SPACA6: variants seen among roughly 807,000 people sequenced by gnomAD.
SPACA6 encodes the protein sperm acrosome membrane-associated protein 6.
For missense variants in SPACA6, 8 were observed against 2.8 expected (o/e 2.88, Z -1.34); for synonymous variants, 6 against 1.5 (o/e 4.05, Z -2.21).
chr19:51,691,692 C>T (rs1600131654), upstream of SPACA6, among the ~76,000 whole-genome samples: 1 of 151,922 alleles, frequency 6.6e-6, no homozygotes, highest in African/African-American at 2.4e-5. Flanking sequence ...GAGACCTGGA[C>T]TGCGAGAAAG....
chr19:51,701,385 ACTTC>A, intron 2 of SPACA6, among the ~76,000 whole-genome samples: 1 of 152,144 alleles, frequency 6.6e-6, no homozygotes, highest in Admixed American at 6.5e-5. Context: ...GTCCAGGAGG[ACTTC>A]CATCCTGGAG....
At position 51,704,306 on chromosome 19, in the gene SPACA6, A is replaced by G. The variant is rs984061127; in HGVS notation, c.767A>G (p.Gln256Arg). ...GPPPRAETELQASFREVLRWA... is the reference protein window; with the variant it reads ...GPPPRAETELRASFREVLRWA... Reference sequence around the variant, plus strand: ...CCCCCGCGGGCGGAGACAGAGTTGCAGGCCTCGTTCCGGGAAGTGCTGCGC... The same window carrying G: ...CCCCCGCGGGCGGAGACAGAGTTGCGGGCCTCGTTCCGGGAAGTGCTGCGC... The change falls in exon 8 of 9, where the codon CAG becomes CGG. Residue 256 changes from glutamine to arginine, a missense_variant. Gln to Arg is a conservative substitution (Grantham distance 43). Coordinates refer to ENST00000637797, the MANE Select transcript of SPACA6 (RefSeq NM_001316972.2). 9 of 400,752 alleles carry G rather than the reference A, an allele frequency of 2.2e-5. No individual in the cohort carries two copies. Among genetic ancestry groups the G allele is most frequent in the East Asian group, 2.1e-4 (6 of 28,026 alleles). 24.8% of individuals were successfully genotyped at this position (400,752 alleles called of 1,614,324 possible).
At chr19:51,707,357 A>C (rs1298404199), downstream of SPACA6, among the ~76,000 whole-genome samples, 4 of 151,238 alleles carry the variant, frequency 2.6e-5, no homozygotes, top group East Asian at 7.8e-4. Flanking sequence ...AGTAGCTGGG[A>C]CTACAAAGGC....
upstream of SPACA6, among the ~76,000 whole-genome samples, chr19:51,692,387 G>T (rs1032628934): frequency 5.9e-5 from 9 of 151,962 alleles, no homozygotes; most frequent in African/African-American, 1.9e-4. The surrounding 1 kb of genome is among the most constrained non-coding windows in gnomAD (Gnocchi z 5.6). Context: ...TGAGTCTGAG[G>T]GAGGAAGGGG....
At chr19:51,683,373 CAAAG>C in the SPACA6 span, among the ~76,000 whole-genome samples, 1 of 152,134 alleles carries the variant, frequency 6.6e-6, no homozygotes, top group South Asian at 2.1e-4. Flanking sequence ...TAAAGGCTCT[CAAAG>C]AAGGTCACAT....
At position 51,693,445 on chromosome 19, in the gene SPACA6, C is replaced by T. The variant is rs563624033; in HGVS notation, c.-82C>T. The stretch of plus-strand genomic sequence containing the variant: ...CCACCAACTGAAACCTGACCTCTGA[C>T]CCCAGACCACTGGCCCTTCCCCCGC... On this transcript the variant is annotated 5_prime_UTR_variant, in exon 1 of 9. Transcript: ENST00000637797. 12 of 587,708 alleles carry T rather than the reference C, an allele frequency of 2.0e-5. No homozygotes were observed. The highest frequency in any genetic ancestry group is 5.3e-4 in the Middle Eastern group (2 of 3,740). The allele number at this position is 587,708 out of a possible 1,614,324, so 36.4% of individuals were successfully genotyped here.
chr19:51,709,067 T>C (rs2083529830), downstream of SPACA6, among the ~76,000 whole-genome samples: 1 of 151,814 alleles, frequency 6.6e-6, no homozygotes, highest in Non-Finnish European at 1.5e-5. Context: ...CTTACCTCTG[T>C]AAGAGATGAG....
chr19:51,701,243 A>C (rs1253890413), intron 2 of SPACA6, among the ~76,000 whole-genome samples: 1 of 141,468 alleles, frequency 7.1e-6, no homozygotes, highest in Non-Finnish European at 1.6e-5. Context: ...AAAGGAAATG[A>C]AAGGTGGGCA....
the SPACA6 span, among the ~76,000 whole-genome samples, chr19:51,683,130 C>T: frequency 6.6e-6 from 1 of 152,178 alleles, no homozygotes; most frequent in Non-Finnish European, 1.5e-5. Context: ...GACCAGCTTC[C>T]TCTGTAGGCC....
At chr19:51,688,597 G>C (rs1297999567), upstream of SPACA6, 1 of 152,516 alleles carries the variant, frequency 6.6e-6, no homozygotes, top group Admixed American at 6.6e-5. Flanking sequence ...GAAGCTGGGA[G>C]AGCAGGAAGG....
upstream of SPACA6, among the ~76,000 whole-genome samples, chr19:51,684,972 G>T (rs1003283256): frequency 6.6e-6 from 1 of 152,210 alleles, no homozygotes; most frequent in Non-Finnish European, 1.5e-5. Context: ...GGTGCTATCG[G>T]ATTATCTTGG....
chr19:51,709,651 G>C (rs2122236472), downstream of SPACA6, among the ~76,000 whole-genome samples: 1 of 150,120 alleles, frequency 6.7e-6, no homozygotes, highest in African/African-American at 2.5e-5. Context: ...TAAAAGATGA[G>C]CGTCACGGGT....
chr19:51,696,076 GA>G (rs1207275376), intron 2 of SPACA6, among the ~76,000 whole-genome samples: 4 of 152,184 alleles, frequency 2.6e-5, no homozygotes, highest in Non-Finnish European at 5.9e-5. Context: ...GAGTTCAGCA[GA>G]AAAGTCAGAG....
At position 51,693,575 on chromosome 19, in the gene SPACA6, C is replaced by T. The variant is rs2083395597; in HGVS notation, c.49C>T (p.Leu17=). The T allele has an allele frequency of 2.3e-6, 1 of 442,364 alleles. No homozygotes were observed. The highest frequency in any genetic ancestry group is 3.5e-5 in the Admixed American group (1 of 28,490). The allele number at this position is 442,364 out of a possible 1,614,324, so 27.4% of individuals were successfully genotyped here. A position where few individuals can be genotyped will look rare whatever the true frequency, so the allele number is the denominator to read the frequency against. ...ASAVPSALLA[L]AVFRVPAWAC... is the part of the protein sequence containing the mutation. ...TGCCGTCCCGTCTGCCCTGCTGGCC[C>T]TGGCTGTCTTCAGGGTGCCCGCCTG... is the stretch of plus-strand genomic sequence containing the variant. The change falls in exon 1 of 9, where the codon CTG becomes TTG. Residue 17 remains leucine (L), a synonymous_variant. Transcript: ENST00000637797.
intron 1 of SPACA6, chr19:51,694,074 C>CTCGGGAGGATGGAGAG (rs2083403261): frequency 4.4e-6 from 1 of 227,448 alleles, no homozygotes; most frequent in Non-Finnish European, 7.4e-6. Context: ...AGGATGGACA[C>CTCGGGAGGATGGAGAG]TCGGGAGGAT....
chr19:51,711,311 A>T (rs888462321), intron 2 of SPACA6, among the ~76,000 whole-genome samples: 1 of 152,200 alleles, frequency 6.6e-6, no homozygotes, highest in Non-Finnish European at 1.5e-5. Context: ...ATTAGTCATT[A>T]GAGAAGGGCA....
chr19:51,697,840 G>A (rs1434856777), intron 2 of SPACA6, among the ~76,000 whole-genome samples: 1 of 152,218 alleles, frequency 6.6e-6, no homozygotes, highest in East Asian at 1.9e-4. Flanking sequence ...TCTGGAGCCT[G>A]ACCACCAGGG....
chr19:51,704,352 G>A lies in SPACA6; in HGVS notation c.813G>A (p.Glu271=), dbSNP rs2083497508. The change falls in exon 8 of 9, where the codon GAG becomes GAA. Residue 271 remains glutamate (E), a synonymous_variant. Coordinates refer to ENST00000637797, the MANE Select transcript of SPACA6 (RefSeq NM_001316972.2). ...TGCGCTGGGCGCCGCGGGATGCCGA[G>A]CTGATCGAGCCCTGGAGGCCCAGCC... is the stretch of plus-strand genomic sequence containing the variant. ...EVLRWAPRDA[E]LIEPWRPSLG... 2.0e-5 allele frequency: 8 copies of A among 400,870 alleles called. No individual in the cohort carries two copies. The highest frequency in any genetic ancestry group is 3.5e-5 in the Non-Finnish European group (8 of 226,214). 24.8% of individuals were successfully genotyped at this position (400,870 alleles called of 1,614,324 possible). A position where few individuals can be genotyped will look rare whatever the true frequency, so the allele number is the denominator to read the frequency against.
At chr19:51,688,612 G>C (rs149747756), upstream of SPACA6, 416 of 152,676 alleles carry the variant, frequency 2.7e-3, 7 homozygotes, top group East Asian at 0.038. Context: ...GGAAGGGGGA[G>C]AGAGAGACGG....
Sources: allele counts gnomAD v4.1 joint callset (sites outside exome capture counted in the v4.1 genomes callset), GRCh38; gene constraint gnomAD v4.1.1; non-coding constraint Gnocchi (gnomAD v3.1); transcripts MANE v1.5; gene names NCBI Gene and HGNC (gene_info 2026-07-23, HGNC 2026-07-21).